MRLN: variants seen among roughly 807,000 people sequenced by gnomAD.
The protein encoded by MRLN is myoregulin, also known as Linc-RNA activator of myogenesis.
intron 1 of MRLN, among the ~76,000 whole-genome samples, chr10:59,740,784 CTTTCT>C (rs1474054636): frequency 7.1e-6 from 1 of 140,420 alleles, no homozygotes; most frequent in Non-Finnish European, 1.5e-5. Flanking sequence ...TGTTTTCTTT[CTTTCT>C]TTCTTTCTTT....
chr10:59,750,586 C>T (rs1050557412), intron 1 of MRLN, among the ~76,000 whole-genome samples: 1 of 152,200 alleles, frequency 6.6e-6, no homozygotes, highest in Non-Finnish European at 1.5e-5. Context: ...TCATACATTG[C>T]CCCTGAGATG....
chr10:59,749,601 C>T (rs553183799), intron 1 of MRLN, among the ~76,000 whole-genome samples: 69 of 151,956 alleles, frequency 4.5e-4, no homozygotes, highest in African/African-American at 1.6e-3. Flanking sequence ...GGCTGAAGCA[C>T]AAGAGTCGCT....
intron 1 of MRLN, among the ~76,000 whole-genome samples, chr10:59,746,197 G>C (rs527513221): frequency 6.6e-6 from 1 of 152,146 alleles, no homozygotes; most frequent in Admixed American, 6.5e-5. Context: ...CCTTCTCCTT[G>C]TTTCAATCAA....
intron 2 of MRLN, 68 bp downstream of exon 2, chr10:59,738,391 A>G (rs190983024): frequency 6.6e-6 from 1 of 152,318 alleles, no homozygotes; most frequent in East Asian, 1.9e-4. Context: ...GAGAGACTGA[A>G]ATAAGAAGTG....
chr10:59,748,857 C>T (rs1037878751), intron 1 of MRLN, among the ~76,000 whole-genome samples: 7 of 152,170 alleles, frequency 4.6e-5, no homozygotes, highest in African/African-American at 1.7e-4. Flanking sequence ...CCATGTATAA[C>T]CAGAGAGTCC....
At chr10:59,739,534 A>G (rs1005897511) in intron 1 of MRLN, 2 of 152,232 alleles carry the variant, frequency 1.3e-5, no homozygotes, top group African/African-American at 4.8e-5. Flanking sequence ...AAGTCTGTAC[A>G]TATGCAATAG....
At chr10:59,744,394 C>G (rs1032092125) in intron 1 of MRLN, 1 of 153,134 alleles carries the variant, frequency 6.5e-6, no homozygotes, top group African/African-American at 2.4e-5. Context: ...ACCAGCTGCT[C>G]CGTCTGAGAA....
At chr10:59,749,025 C>T (rs1013744966) in intron 1 of MRLN, among the ~76,000 whole-genome samples, 6 of 152,134 alleles carry the variant, frequency 3.9e-5, no homozygotes, top group Non-Finnish European at 8.8e-5. Context: ...GGATCTGAAC[C>T]AGATGGAACC....
chr10:59,743,274 A>G (rs1841004222), intron 1 of MRLN, among the ~76,000 whole-genome samples: 1 of 145,038 alleles, frequency 6.9e-6, no homozygotes, highest in Non-Finnish European at 1.5e-5. Context: ...TATTGCCTAT[A>G]TAACTTCAGA....
chr10:59,740,424 T>C (rs1840969878), intron 1 of MRLN, among the ~76,000 whole-genome samples: 1 of 152,148 alleles, frequency 6.6e-6, no homozygotes, highest in Admixed American at 6.5e-5. Context: ...GAAGAAGGCA[T>C]CATTATCACA....
At chr10:59,742,535 A>G (rs1840994627) in intron 1 of MRLN, among the ~76,000 whole-genome samples, 1 of 152,198 alleles carries the variant, frequency 6.6e-6, no homozygotes, top group Non-Finnish European at 1.5e-5. Flanking sequence ...TAGGGGAAGG[A>G]AACAGGCAAG....
At chr10:59,741,510 G>A (rs571589127) in intron 1 of MRLN, among the ~76,000 whole-genome samples, 9 of 152,184 alleles carry the variant, frequency 5.9e-5, no homozygotes, top group African/African-American at 9.6e-5. Context: ...AGCCTCCTGC[G>A]TAGCTGGGAC....
chr10:59,737,127 A>G lies in MRLN; in HGVS notation c.74T>C (p.Leu25Pro). 2.5e-6 allele frequency: 1 copy of G among 398,262 alleles called. No homozygotes were observed. Among genetic ancestry groups the G allele is most frequent in the Non-Finnish European group, 4.4e-6 (1 of 225,602 alleles). 24.7% of individuals were successfully genotyped at this position (398,262 alleles called of 1,614,324 possible). The change falls in exon 3 of 3, where the codon CTT (leucine) becomes CCT (proline). Residue 25 changes from leucine (L) to proline (P), a missense_variant. Physicochemically the swap from Leu to Pro is moderately conservative, Grantham distance 98 (BLOSUM62 -3). Transcript: ENST00000414264. ...KSLEDEIVGR[L>P]LKILFVIFVD... is the part of the protein sequence containing the mutation. ...AAAGATAACAAACAAAATTTTTAGA[A>G]GTCTTCCCACAATTTCATCTTCTAG...
chr10:59,749,106 C>T (rs1841071979), intron 1 of MRLN, among the ~76,000 whole-genome samples: 1 of 152,168 alleles, frequency 6.6e-6, no homozygotes, highest in Admixed American at 6.5e-5. Flanking sequence ...TCAGATGCCA[C>T]CTCATCTGGA....
chr10:59,747,713 T>G (rs565201683), intron 1 of MRLN, among the ~76,000 whole-genome samples: 156 of 152,360 alleles, frequency 1.0e-3, no homozygotes, highest in African/African-American at 3.6e-3. Context: ...GTTGTTTACA[T>G]GCAATACGCT....
At chr10:59,744,988 C>A in intron 1 of MRLN, 1 of 177,058 alleles carries the variant, frequency 5.6e-6, no homozygotes, top group Non-Finnish European at 1.1e-5. Context: ...CAGCAGGGCC[C>A]TCTGCCTAGG....
At chr10:59,740,325 C>T (rs1289522500) in intron 1 of MRLN, among the ~76,000 whole-genome samples, 1 of 151,924 alleles carries the variant, frequency 6.6e-6, no homozygotes, top group African/African-American at 2.4e-5. Flanking sequence ...CTATACTATA[C>T]TTTTTATTAT....
chr10:59,752,115 C>G (rs1589020810), intron 1 of MRLN, among the ~76,000 whole-genome samples: 2 of 152,256 alleles, frequency 1.3e-5, no homozygotes, highest in Middle Eastern at 3.4e-3. Context: ...TGATTGCTAA[C>G]AATATACCAT....
intron 1 of MRLN, among the ~76,000 whole-genome samples, chr10:59,743,156 T>C (rs1455271912): frequency 2.6e-5 from 4 of 152,156 alleles, no homozygotes; most frequent in Non-Finnish European, 5.9e-5. Flanking sequence ...GGAAGGAATT[T>C]GGGTGATTTT....
Sources: allele counts gnomAD v4.1 joint callset (sites outside exome capture counted in the v4.1 genomes callset), GRCh38; gene constraint gnomAD v4.1.1; transcripts MANE v1.5; gene names NCBI Gene and HGNC (gene_info 2026-07-23, HGNC 2026-07-21).